Variants in B3GLCT observed in about 807,000 individuals in gnomAD.
The protein encoded by B3GLCT is beta 3-glucosyltransferase.
B3GLCT carries 65 observed loss-of-function variants against 63.4 expected under a neutral mutation model. That is an observed-to-expected ratio of 1.03 (90% CI 0.84 to 1.26). The LOEUF (loss-of-function observed/expected upper bound fraction) is 1.26, where lower values mean the gene tolerates loss of function less well. Among genes scored for constraint, B3GLCT ranks in the 50% most tolerant of loss-of-function variants. The probability of loss-of-function intolerance (pLI) is 0.00; values close to 1 mark genes in which losing one functional copy is unlikely to be tolerated. For synonymous variants in B3GLCT, 233 were observed against 219.2 expected, an observed-to-expected ratio of 1.06 and a Z score of -0.55; for missense variants, 577 against 604.8, an observed-to-expected ratio of 0.95 and a Z score of 0.48.
chr13:31,213,621 A>ACCACC, intron 1 of B3GLCT, among the ~76,000 whole-genome samples: 1 of 55,046 alleles, frequency 1.8e-5, no homozygotes, highest in African/African-American at 7.6e-5. Flanking sequence ...CCCCCACCCC[A>ACCACC]CCCCCCCCCC....
intron 10 of B3GLCT, 74 bp from the exon 11 acceptor site, chr13:31,284,574 T>G: frequency 4.8e-6 from 4 of 834,850 alleles, no homozygotes; most frequent in Non-Finnish European, 8.4e-6. Flanking sequence ...TGTAGATGAT[T>G]ATACTGCCAT....
intron 7 of B3GLCT, among the ~76,000 whole-genome samples, chr13:31,263,330 CT>C (rs1872134097): frequency 6.6e-6 from 1 of 152,130 alleles, no homozygotes; most frequent in Non-Finnish European, 1.5e-5. Flanking sequence ...TTCTTGCTTC[CT>C]TTGACTTACT....
chr13:31,230,410 G>A lies in B3GLCT; in HGVS notation c.270+1116G>A, dbSNP rs576319050. On this transcript the variant is annotated intron_variant, in intron 4 of 14. Transcript: ENST00000343307. ...AAGAACTCTTTGACAAGAGACATATGTGCGTGACAGATTGTTTTCTTTCTC... is the reference window on the plus strand; with the variant it reads ...AAGAACTCTTTGACAAGAGACATATATGCGTGACAGATTGTTTTCTTTCTC... Among the ~76,000 whole-genome samples the A allele has an allele frequency of 2.0e-5, 3 of 152,322 alleles. No homozygotes were observed. In the East Asian group the frequency reaches 5.8e-4, roughly 29 times the overall value.
chr13:31,328,441 C>T (rs1875742913), intron 14 of B3GLCT, among the ~76,000 whole-genome samples: 1 of 152,080 alleles, frequency 6.6e-6, no homozygotes, highest in Non-Finnish European at 1.5e-5. Flanking sequence ...CGCCTGCAAC[C>T]TCAGCACTTT....
At chr13:31,269,650 T>C (rs114226406) in intron 8 of B3GLCT, among the ~76,000 whole-genome samples, 4,419 of 146,960 alleles carry the variant, frequency 0.03, 206 homozygotes, top group African/African-American at 0.1. Context: ...CCCGCCCCCC[T>C]AATTCATACC....
chr13:31,323,636 G>T, intron 13 of B3GLCT, 115 bp from the exon 14 acceptor site: 1 of 1,194,178 alleles, frequency 8.4e-7, no homozygotes. Context: ...ACTAGAGAAA[G>T]CTACTATTGC....
At position 31,235,530 on chromosome 13, in the gene B3GLCT, G is replaced by T. The variant is rs537922504; in HGVS notation, c.270+6236G>T. Among the ~76,000 whole-genome samples, 5 of 152,060 alleles carry T rather than the reference G, an allele frequency of 3.3e-5. No individual in the cohort carries two copies. In the South Asian group the frequency reaches 1.0e-3, roughly 32 times the overall value. Reference sequence around the variant, plus strand: ...TACCTGAGGACTGGCCCGTCAAATTGCCATCAGTAATGCGACATTCTCTGG... The same window carrying T: ...TACCTGAGGACTGGCCCGTCAAATTTCCATCAGTAATGCGACATTCTCTGG... On this transcript the variant is annotated intron_variant, in intron 4 of 14. Transcript: ENST00000343307.
rs1593261961 is a variant in B3GLCT, at chr13:31,234,013, T to TC, written c.270+4719_270+4720insC. 2.6e-5 allele frequency among the ~76,000 whole-genome samples: 4 copies of TC among 151,294 alleles called. No homozygotes were observed. The East Asian group carries it at 7.8e-4, about 29-fold the overall frequency. The stretch of plus-strand genomic sequence containing the variant: ...CCATCAGCAGGCAGTTTTTCTTTTT[T>TC]TTTTTTCTTTTCCTTTGTTTTTGAG... On this transcript the variant is annotated intron_variant, in intron 4 of 14. Coordinates refer to ENST00000343307, the MANE Select transcript of B3GLCT (RefSeq NM_194318.4).
chr13:31,214,862 A>G (rs1869470370), intron 1 of B3GLCT, among the ~76,000 whole-genome samples, 189 bp from the exon 2 acceptor site: 1 of 152,206 alleles, frequency 6.6e-6, no homozygotes, highest in African/African-American at 2.4e-5. Flanking sequence ...CTTCGTGTTG[A>G]TGAATAATTT....
chr13:31,262,172 A>G (rs1872065380), intron 7 of B3GLCT, among the ~76,000 whole-genome samples: 1 of 152,124 alleles, frequency 6.6e-6, no homozygotes, highest in Non-Finnish European at 1.5e-5. Flanking sequence ...TACGCTGCTG[A>G]TTTCTGTGGT....
chr13:31,331,521 A>G lies in B3GLCT; in HGVS notation c.*1853A>G, dbSNP rs1216907565. On this transcript the variant is annotated 3_prime_UTR_variant, in exon 15 of 15. Transcript: ENST00000343307. ...AACCACAAGTAAAAGATCTTTGCCT[A>G]AGTTTTTGATTTCTCAAATATTGTG... 1 of 151,780 alleles carries G rather than the reference A, an allele frequency of 6.6e-6. No homozygotes were observed. The highest frequency in any genetic ancestry group is 1.5e-5 in the Non-Finnish European group (1 of 67,970). 9.4% of individuals were successfully genotyped at this position (151,780 alleles called of 1,614,324 possible).
At chr13:31,234,575 G>A (rs1244589558) in intron 4 of B3GLCT, among the ~76,000 whole-genome samples, 2 of 152,138 alleles carry the variant, frequency 1.3e-5, no homozygotes, top group Non-Finnish European at 2.9e-5. Context: ...AGAGGTGGAA[G>A]CACAGGTGTG....
Position 31,328,692 on chromosome 13 carries a change from C to CAAAA in B3GLCT, c.1330-787_1330-784dup, listed in dbSNP as rs34729471. On this transcript the variant is annotated intron_variant, in intron 14 of 14. Transcript: ENST00000343307. The stretch of plus-strand genomic sequence containing the variant: ...TGGGCAGCAGAGTGAAACTCCATCT[C>CAAAA]AAAAAAAAAAAAAAAAAAAAAAAAA... Among the ~76,000 whole-genome samples the CAAAA allele has an allele frequency of 1.6e-3, 73 of 45,362 alleles. 2 individuals are homozygous for CAAAA. Among genetic ancestry groups the CAAAA allele is most frequent in the African/African-American group, 5.8e-3 (59 of 10,232 alleles). 29.8% of individuals were successfully genotyped at this position (45,362 alleles called of 152,430 possible).
chr13:31,320,298 G>C (rs1175901643), intron 13 of B3GLCT, among the ~76,000 whole-genome samples: 1 of 152,142 alleles, frequency 6.6e-6, no homozygotes, highest in Non-Finnish European at 1.5e-5. Context: ...GTTGATCTGG[G>C]ATGAGTCCTC....
At position 31,331,930 on chromosome 13, in the gene B3GLCT, A is replaced by G. The variant is rs2137963105; in HGVS notation, c.*2262A>G. 1 of 152,298 alleles carries G rather than the reference A, an allele frequency of 6.6e-6. No individual in the cohort carries two copies. Among genetic ancestry groups the G allele is most frequent in the South Asian group, 2.1e-4 (1 of 4,826 alleles). 9.4% of individuals were successfully genotyped at this position (152,298 alleles called of 1,614,324 possible). ...TTGTGTGTGGAATAACTGGAATGTC[A>G]TTTTTGCTTTTAAGCCATTTCTGAT... is the stretch of plus-strand genomic sequence containing the variant. On this transcript the variant is annotated 3_prime_UTR_variant, in exon 15 of 15. Transcript: ENST00000343307.
chr13:31,250,247 C>T (rs191051318), intron 6 of B3GLCT, among the ~76,000 whole-genome samples: 6 of 152,320 alleles, frequency 3.9e-5, no homozygotes, highest in Admixed American at 3.9e-4. Context: ...AGTCTTGGCT[C>T]ACTGCAACCT....
Position 31,229,184 on chromosome 13 carries a change from G to C in B3GLCT, c.161-1G>C. 6.4e-7 allele frequency: 1 copy of C among 1,564,810 alleles called. No homozygotes were observed. Among genetic ancestry groups the C allele is most frequent in the East Asian group, 2.2e-5 (1 of 44,642 alleles). On this transcript the variant is annotated splice_acceptor_variant, in intron 3 of 14. Coordinates refer to ENST00000343307, the MANE Select transcript of B3GLCT (RefSeq NM_194318.4). LOFTEE classifies it high-confidence loss of function. Reference sequence around the variant, plus strand: ...CTGAAAACTATTTTTTTTTGTTCTAGACTTAAAAGGAATTGTATTCGTCAT... The same window carrying C: ...CTGAAAACTATTTTTTTTTGTTCTACACTTAAAAGGAATTGTATTCGTCAT...
intron 13 of B3GLCT, among the ~76,000 whole-genome samples, chr13:31,322,232 G>A (rs1382011939): frequency 6.6e-6 from 1 of 152,268 alleles, no homozygotes; most frequent in Non-Finnish European, 1.5e-5. Flanking sequence ...GTCCTCGGAA[G>A]AGGCCGCAGG....
intron 12 of B3GLCT, among the ~76,000 whole-genome samples, chr13:31,288,244 G>T (rs1446129162): frequency 6.6e-6 from 1 of 152,048 alleles, no homozygotes; most frequent in Non-Finnish European, 1.5e-5. Context: ...TGGAATTGAG[G>T]ACTAGCATGC....
Sources: allele counts gnomAD v4.1 joint callset (sites outside exome capture counted in the v4.1 genomes callset), GRCh38; gene constraint gnomAD v4.1.1; transcripts MANE v1.5; gene names NCBI Gene and HGNC (gene_info 2026-07-23, HGNC 2026-07-21).